The following AKAP19 variants were observed in gnomAD, a reference collection of about 807,000 sequenced individuals.
AKAP19 encodes A-kinase anchoring protein 19, also known as small A-kinase anchoring protein.
chr2:190,182,189 T>A, the AKAP19 span, among the ~76,000 whole-genome samples: 1 of 152,174 alleles, frequency 6.6e-6, no homozygotes, highest in African/African-American at 2.4e-5. Flanking sequence ...GGGTTCCTCC[T>A]TTTCTGTTGT....
the AKAP19 span, among the ~76,000 whole-genome samples, chr2:190,043,832 T>G: frequency 1.3e-5 from 2 of 152,222 alleles, no homozygotes; most frequent in African/African-American, 4.8e-5. Flanking sequence ...GGTGTTCCTT[T>G]AAGTGCAGTG....
chr2:190,056,897 T>C, the AKAP19 span: 7 of 229,470 alleles, frequency 3.1e-5, no homozygotes, highest in East Asian at 7.5e-4. Context: ...TTTCTGTAAA[T>C]ATTAAACAAA....
the AKAP19 span, among the ~76,000 whole-genome samples, chr2:189,990,625 A>G: frequency 6.6e-6 from 1 of 152,190 alleles, no homozygotes; most frequent in African/African-American, 2.4e-5. Context: ...TACTGGCCTC[A>G]TAGAATAAGT....
the AKAP19 span, among the ~76,000 whole-genome samples, chr2:190,112,021 C>CT: frequency 6.6e-6 from 1 of 152,148 alleles, no homozygotes; most frequent in Non-Finnish European, 1.5e-5. Flanking sequence ...CCTCAGCCTC[C>CT]TGAGTAGCTG....
At chr2:189,950,931 G>A in the AKAP19 span, among the ~76,000 whole-genome samples, 2 of 152,026 alleles carry the variant, frequency 1.3e-5, no homozygotes, top group African/African-American at 4.8e-5. Flanking sequence ...TAAATCCCTG[G>A]CTAGTGTACT....
At chr2:190,066,892 G>C in the AKAP19 span, among the ~76,000 whole-genome samples, 1 of 152,084 alleles carries the variant, frequency 6.6e-6, no homozygotes, top group Admixed American at 6.6e-5. Context: ...AGATTCTGAG[G>C]ATAAAACAGC....
At chr2:190,078,874 A>G in the AKAP19 span, among the ~76,000 whole-genome samples, 1 of 152,208 alleles carries the variant, frequency 6.6e-6, no homozygotes, top group Non-Finnish European at 1.5e-5. Context: ...AACAAAATAT[A>G]TGTACAACTA....
At chr2:190,027,386 A>G in the AKAP19 span, among the ~76,000 whole-genome samples, 1 of 152,236 alleles carries the variant, frequency 6.6e-6, no homozygotes, top group South Asian at 2.1e-4. Context: ...CATTTTGCAT[A>G]GATGGAGGAG....
the AKAP19 span, among the ~76,000 whole-genome samples, chr2:190,003,898 T>C: frequency 6.6e-6 from 1 of 152,176 alleles, no homozygotes; most frequent in Non-Finnish European, 1.5e-5. Context: ...TTCCTACTTA[T>C]TATTTTTAAT....
the AKAP19 span, among the ~76,000 whole-genome samples, chr2:190,196,756 T>C: frequency 6.6e-6 from 1 of 152,226 alleles, no homozygotes; most frequent in African/African-American, 2.4e-5. Context: ...CTTTATTGGA[T>C]ATAGCCATGC....
chr2:190,148,953 C>CTTTTTTTTTTTTTT, the AKAP19 span, among the ~76,000 whole-genome samples: 12 of 134,072 alleles, frequency 9.0e-5, no homozygotes, highest in African/African-American at 3.1e-4. Context: ...TCTTTTCTTT[C>CTTTTTTTTTTTTTT]TTTTTTTTTT....
the AKAP19 span, among the ~76,000 whole-genome samples, chr2:189,969,855 A>T: frequency 7.6e-5 from 10 of 131,366 alleles, no homozygotes; most frequent in Middle Eastern, 4.5e-3. Context: ...TCTCTTTTTC[A>T]CTTTCTTCTT....
chr2:189,984,986 C>G, the AKAP19 span, among the ~76,000 whole-genome samples: 1 of 152,148 alleles, frequency 6.6e-6, no homozygotes, highest in African/African-American at 2.4e-5. Flanking sequence ...AAGCTGGCCA[C>G]TCTCTGTCCT....
the AKAP19 span, among the ~76,000 whole-genome samples, chr2:189,977,554 T>C: frequency 6.6e-6 from 1 of 152,254 alleles, no homozygotes; most frequent in Non-Finnish European, 1.5e-5. Flanking sequence ...GTGTCTGATA[T>C]GCCTATTAGG....
the AKAP19 span, among the ~76,000 whole-genome samples, chr2:190,048,984 AC>A: frequency 6.6e-6 from 1 of 152,264 alleles, no homozygotes; most frequent in South Asian, 2.1e-4. Context: ...TTTGGAATAT[AC>A]TCCTCACATA....
the AKAP19 span, among the ~76,000 whole-genome samples, chr2:190,183,537 TA>T: frequency 2.6e-5 from 4 of 152,210 alleles, no homozygotes; most frequent in Non-Finnish European, 5.9e-5. Flanking sequence ...TTTCCTTGTT[TA>T]ATGTTTAAGT....
the AKAP19 span, among the ~76,000 whole-genome samples, chr2:190,101,851 T>C: frequency 6.6e-6 from 1 of 152,266 alleles, no homozygotes; most frequent in East Asian, 1.9e-4. Context: ...TCTAATCTAA[T>C]AGATATTGAC....
At chr2:190,028,952 A>G in the AKAP19 span, among the ~76,000 whole-genome samples, 4 of 152,210 alleles carry the variant, frequency 2.6e-5, no homozygotes, top group Non-Finnish European at 5.9e-5. Flanking sequence ...TATGTACCAA[A>G]GATAGAAGAT....
At chr2:189,966,036 A>C in the AKAP19 span, among the ~76,000 whole-genome samples, 1 of 152,162 alleles carries the variant, frequency 6.6e-6, no homozygotes, top group Non-Finnish European at 1.5e-5. Flanking sequence ...TGGCATTTGC[A>C]GCAACCTGGA....
Sources: gnomAD v4.1 joint callset for allele counts (sites outside exome capture counted in the v4.1 genomes callset) on GRCh38, gnomAD v4.1.1 for gene constraint, MANE v1.5 for transcripts, NCBI Gene and HGNC (gene_info 2026-07-23, HGNC 2026-07-21) for gene names.